TNN: variants seen among roughly 807,000 people sequenced by gnomAD.
The protein encoded by TNN is tenascin N.
Under a neutral mutation model 134.4 loss-of-function variants are expected in TNN, and 122 were observed. The ratio of observed to expected loss-of-function variants is 0.91; its 90% CI spans 0.78 to 1.06. The LOEUF (loss-of-function observed/expected upper bound fraction) is 1.06, where lower values mean the gene tolerates loss of function less well. Ranked by LOEUF, TNN falls within the 50% of genes least tolerant of loss-of-function variation. The probability of loss-of-function intolerance (pLI) is 0.00; values close to 1 mark genes in which losing one functional copy is unlikely to be tolerated. For synonymous variants in TNN, 710 were observed against 670.3 expected (o/e 1.06, Z -0.91); for missense variants, 1,739 against 1,699.4 (o/e 1.02, Z -0.41).
At chr1:175,077,281 GCT>G (rs2149426051) in intron 1 of TNN, 101 bp from the exon 2 acceptor site, 1 of 875,114 alleles carries the variant, frequency 1.1e-6, no homozygotes, top group East Asian at 2.4e-5. Context: ...AGTTCTTTCT[GCT>G]GGTTTCCCAG....
chr1:175,076,625 A>G (rs1381889164), intron 1 of TNN, among the ~76,000 whole-genome samples: 3 of 152,226 alleles, frequency 2.0e-5, no homozygotes, highest in African/African-American at 7.2e-5. Context: ...CTGGTTCACA[A>G]GTGAGTTTCG....
At chr1:175,112,323 C>T (rs1675048056) in intron 9 of TNN, among the ~76,000 whole-genome samples, 1 of 151,848 alleles carries the variant, frequency 6.6e-6, no homozygotes, top group Non-Finnish European at 1.5e-5. Flanking sequence ...TTCTTGCATC[C>T]CTGTGATAAA....
In TNN at chr1:175,136,850, G is replaced by A. The variant is rs762663051; in HGVS notation, c.3457G>A (p.Gly1153Ser). The change falls in exon 17 of 19, where the codon GGC becomes AGC. Residue 1153 changes from glycine (G) to serine (S), a missense_variant. Physicochemically the swap from Gly to Ser is moderately conservative, Grantham distance 56. Transcript: ENST00000239462. Reference protein sequence around the residue: ...GLDKLHNLTTGTPARYEVRVD... With the variant: ...GLDKLHNLTTSTPARYEVRVD... The stretch of plus-strand genomic sequence containing the variant: ...TGACAAGCTACACAACCTCACCACC[G>A]GCACTCCAGCGCGGTATGAGGTGAG... 69 of 1,613,710 alleles carry A rather than the reference G, an allele frequency of 4.3e-5. 2 individuals are homozygous for A. In the Admixed American group the frequency reaches 4.8e-4, roughly 11 times the overall value.
At chr1:175,134,551 C>A (rs12070562) in intron 15 of TNN, among the ~76,000 whole-genome samples, 95,579 of 148,684 alleles carry the variant, frequency 0.64, 31,576 homozygotes, top group African/African-American at 0.71. Flanking sequence ...TCTCAAAAAA[C>A]AAACAAACAA....
intron 15 of TNN, among the ~76,000 whole-genome samples, chr1:175,130,837 C>T (rs538077930): frequency 4.7e-4 from 71 of 152,246 alleles, no homozygotes; most frequent in Middle Eastern, 3.4e-3. Context: ...ACACAGAGAT[C>T]GGTTCCAAAA....
intron 17 of TNN, among the ~76,000 whole-genome samples, chr1:175,143,636 C>CAG (rs923143494): frequency 6.6e-6 from 1 of 151,920 alleles, no homozygotes; most frequent in Admixed American, 6.6e-5. Context: ...CAGATGAGGG[C>CAG]AGAGAGAAAT....
chr1:175,084,682 G>A (rs1046858278), intron 5 of TNN, among the ~76,000 whole-genome samples: 8 of 152,200 alleles, frequency 5.3e-5, no homozygotes, highest in Non-Finnish European at 1.2e-4. Flanking sequence ...TGTCTTGACA[G>A]GACATTTTGG....
At chr1:175,112,596 A>ATTTTTTTTTTT (rs1244528758) in intron 9 of TNN, among the ~76,000 whole-genome samples, 1 of 8,066 alleles carries the variant, frequency 1.2e-4, no homozygotes, top group Non-Finnish European at 3.5e-4. Flanking sequence ...CAGCCGGCCG[A>ATTTTTTTTTTT]TCTTTTTTTT....
rs369056420 is a variant in TNN, at chr1:175,097,476, T to C, written c.1648T>C (p.Ser550Pro). ...DRVTENTATI[S>P]WDPVQATIDK... ...GGTGACTGAGAATACCGCCACCATC[T>C]CCTGGGACCCGGTACAGGCCACCAT... The change falls in exon 8 of 19, where the codon TCC (serine) becomes CCC (proline). Residue 550 changes from serine (S) to proline (P), a missense_variant. By Grantham distance (74) the Ser-to-Pro change is moderately conservative. Coordinates refer to ENST00000239462, the MANE Select transcript of TNN (RefSeq NM_022093.2). The C allele has an allele frequency of 9.3e-6, 15 of 1,614,190 alleles. No individual in the cohort carries two copies. The highest frequency in any genetic ancestry group is 1.3e-5 in the Non-Finnish European group (15 of 1,180,040).
chr1:175,139,823 C>T (rs1437700847), intron 17 of TNN, among the ~76,000 whole-genome samples: 1 of 152,186 alleles, frequency 6.6e-6, no homozygotes, highest in Non-Finnish European at 1.5e-5. Flanking sequence ...TGCAACCTTA[C>T]GACAGCTGTG....
chr1:175,091,374 A>C (rs887577350), intron 6 of TNN, among the ~76,000 whole-genome samples: 91 of 152,148 alleles, frequency 6.0e-4, no homozygotes, highest in Non-Finnish European at 2.2e-4. Flanking sequence ...CCCTGGGCAT[A>C]ATATGATTCA....
chr1:175,084,155 C>G (rs1674272171), intron 5 of TNN, among the ~76,000 whole-genome samples: 3 of 152,202 alleles, frequency 2.0e-5, no homozygotes, highest in Non-Finnish European at 4.4e-5. Context: ...CCCAGGGCAC[C>G]TTGTTAACAG....
chr1:175,079,365 T>C lies in TNN; in HGVS notation c.442T>C (p.Phe148Leu). ...CCGCCACTGCAGCGGCCACGGGACC[T>C]TCTCCCTGGAGACCTGCAGCTGCCA... ...LSRHCSGHGT[F>L]SLETCSCHCE... Residue 148 changes from phenylalanine to leucine, a missense_variant, in exon 3 of 19, where the codon TTC becomes CTC. Physicochemically the swap from Phe to Leu is conservative, Grantham distance 22 (BLOSUM62 0). Transcript: ENST00000239462. 1 of 1,598,744 alleles carries C rather than the reference T, an allele frequency of 6.3e-7. No individual in the cohort carries two copies. Among genetic ancestry groups the C allele is most frequent in the Non-Finnish European group, 8.5e-7 (1 of 1,177,188 alleles).
rs1675208497 is a variant in TNN, at chr1:175,117,180, G to A, written c.2361G>A (p.Lys787=). ...CCCAGAAGGGGGCCCAGGAGAGCAA[G>A]AAGGCTGACACCAAGGCCCAGACAG... ...VWAQKGAQES[K]KADTKAQTDI... Residue 787 remains lysine (K), a synonymous_variant, in exon 10 of 19, where the codon AAG becomes AAA. Coordinates refer to ENST00000239462, the MANE Select transcript of TNN (RefSeq NM_022093.2). 1 of 1,614,136 alleles carries A rather than the reference G, an allele frequency of 6.2e-7. No individual in the cohort carries two copies.
intron 17 of TNN, 80 bp from the exon 18 acceptor site, chr1:175,144,307 A>G: frequency 7.2e-7 from 1 of 1,385,424 alleles, no homozygotes; most frequent in Non-Finnish European, 1.0e-6. Context: ...ATGCCTAGAG[A>G]TCTTCCTGCT....
chr1:175,126,566 G>T (rs980852038), intron 12 of TNN, among the ~76,000 whole-genome samples: 2 of 152,120 alleles, frequency 1.3e-5, no homozygotes, highest in African/African-American at 4.8e-5. Flanking sequence ...AGTCACCCTG[G>T]TTTCTTTGTG....
At chr1:175,087,853 C>G (rs994441367) in intron 6 of TNN, among the ~76,000 whole-genome samples, 1 of 152,210 alleles carries the variant, frequency 6.6e-6, no homozygotes, top group African/African-American at 2.4e-5. Context: ...CTTATGACTC[C>G]CCTCCTTGAG....
chr1:175,104,818 T>C (rs1441255937), intron 9 of TNN, among the ~76,000 whole-genome samples: 1 of 146,118 alleles, frequency 6.8e-6, no homozygotes, highest in Non-Finnish European at 1.5e-5. Context: ...GAGTATATTT[T>C]CTTAAGGCCT....
chr1:175,123,449 G>A lies in TNN; in HGVS notation c.2700G>A (p.Met900Ile). 1 of 1,614,202 alleles carries A rather than the reference G, an allele frequency of 6.2e-7. No individual in the cohort carries two copies. Among genetic ancestry groups the A allele is most frequent in the Non-Finnish European group, 8.5e-7 (1 of 1,180,050 alleles). The change falls in exon 12 of 19, where the codon ATG becomes ATA. Residue 900 changes from methionine to isoleucine, a missense_variant. Coordinates refer to ENST00000239462, the MANE Select transcript of TNN (RefSeq NM_022093.2). Reference sequence around the variant, plus strand: ...TGACTGACTGGGTGACGGAGAATATGGCCACTGTCTCCTGGGACCCGGTTC... The same window carrying A: ...TGACTGACTGGGTGACGGAGAATATAGCCACTGTCTCCTGGGACCCGGTTC... ...NLVTDWVTENMATVSWDPVQA... is the reference protein window; with the variant it reads ...NLVTDWVTENIATVSWDPVQA...
Sources: gnomAD v4.1 joint callset for allele counts (sites outside exome capture counted in the v4.1 genomes callset) on GRCh38, gnomAD v4.1.1 for gene constraint, MANE v1.5 for transcripts, NCBI Gene and HGNC (gene_info 2026-07-23, HGNC 2026-07-21) for gene names.